Variants in ZSCAN31 observed in about 807,000 individuals in gnomAD.
ZSCAN31 encodes zinc finger and SCAN domain containing 31.
Under a neutral mutation model 22.5 loss-of-function variants are expected in ZSCAN31, and 14 were observed. The observed-to-expected ratio is 0.62, with a 90% CI of 0.41 to 0.97. The LOEUF is 0.97. Ranked by LOEUF, ZSCAN31 falls within the 50% of genes least tolerant of loss-of-function variation. The probability of loss-of-function intolerance (pLI) is 0.00; values close to 1 mark genes in which losing one functional copy is unlikely to be tolerated. For synonymous variants in ZSCAN31, 168 were observed against 169.8 expected, an observed-to-expected ratio of 0.99 and a Z score of 0.08; for missense variants, 424 against 483.4, an observed-to-expected ratio of 0.88 and a Z score of 1.15.
chr6:28,329,242 T>C (rs889938407), intron 2 of ZSCAN31, 61 bp downstream of exon 2: 1 of 1,521,148 alleles, frequency 6.6e-7, no homozygotes, highest in African/African-American at 1.4e-5. Flanking sequence ...CCAACCTGTG[T>C]CACCAAACCC....
At chr6:28,341,361 G>A (rs543969337) in intron 3 of ZSCAN31, among the ~76,000 whole-genome samples, 1 of 152,338 alleles carries the variant, frequency 6.6e-6, no homozygotes, top group South Asian at 2.1e-4. Context: ...TTGGCATAGA[G>A]TGAAAGCTTC....
In ZSCAN31 at chr6:28,326,807, T is replaced by C; in HGVS notation, c.580A>G (p.Ile194Val). 1 of 1,613,072 alleles carries C rather than the reference T, an allele frequency of 6.2e-7. No individual in the cohort carries two copies. Among genetic ancestry groups the C allele is most frequent in the South Asian group, 1.1e-5 (1 of 91,078 alleles). Residue 194 changes from isoleucine (I) to valine (V), a missense_variant, in exon 4 of 4, where the codon ATC (isoleucine) becomes GTC (valine). Physicochemically the swap from Ile to Val is conservative, Grantham distance 29. Coordinates refer to ENST00000344279, the MANE Select transcript of ZSCAN31 (RefSeq NM_030899.5). Reference protein sequence around the residue: ...ENQELASKQEILKEMEHLGDS... With the variant: ...ENQELASKQEVLKEMEHLGDS... ...CCCAAATGTTCCATTTCTTTTAAGATTTCTTGCTTTGATGCCAACTCCTGG... is the reference window on the plus strand; with the variant it reads ...CCCAAATGTTCCATTTCTTTTAAGACTTCTTGCTTTGATGCCAACTCCTGG...
intron 2 of ZSCAN31, among the ~76,000 whole-genome samples, chr6:28,328,272 A>T (rs1049339423): frequency 1.3e-5 from 2 of 152,198 alleles, no homozygotes; most frequent in East Asian, 3.8e-4. Context: ...AAAATTTATT[A>T]GGCGGGAATT....
In ZSCAN31 at chr6:28,348,665, G is replaced by A. The variant is rs182812171; in HGVS notation, c.-371+5197C>T. ...TTTTATAATAAATTATATAGGGCAA[G>A]TTTCTGCAGCTCCTTCATTTGTTTT... On this transcript the variant is annotated intron_variant, in intron 2 of 7. Coordinates refer to the ZSCAN31 transcript ENST00000396838. Among the ~76,000 whole-genome samples, 220 of 152,202 alleles carry A rather than the reference G, an allele frequency of 1.4e-3. 3 individuals are homozygous for A. The East Asian group carries it at 0.041, about 29-fold the overall frequency.
chr6:28,327,251 A>G (rs1209952753), intron 3 of ZSCAN31, 132 bp downstream of exon 3: 17 of 1,092,270 alleles, frequency 1.6e-5, no homozygotes, highest in Non-Finnish European at 2.1e-5. Context: ...TGACTTGTCC[A>G]TTGTCACAGA....
At chr6:28,345,785 G>A (rs1764617784) in intron 2 of ZSCAN31, among the ~76,000 whole-genome samples, 1 of 152,182 alleles carries the variant, frequency 6.6e-6, no homozygotes, top group Admixed American at 6.5e-5. Context: ...TTAGCCACCA[G>A]GAACATGCTG....
rs1763548606 is a variant in ZSCAN31 at position 28,329,208 on chromosome 6, A to G, written c.381+95T>C. 1.1e-5 allele frequency: 16 copies of G among 1,417,404 alleles called. No individual in the cohort carries two copies. The Admixed American group carries it at 3.6e-4, about 32-fold the overall frequency. The allele number at this position is 1,417,404 out of a possible 1,614,324, so 87.8% of individuals were successfully genotyped here. On this transcript the variant is annotated intron_variant, in intron 2 of 3. Transcript: ENST00000344279. ...GGGGTAATTTGTTACACAACAGAGA[A>G]CTAATACATATAGCTATAGCCAACC...
upstream of ZSCAN31, chr6:28,356,151 C>G (rs1329334972): frequency 6.6e-6 from 1 of 151,402 alleles, no homozygotes; most frequent in South Asian, 2.1e-4. Context: ...GTCCGGTGTC[C>G]CCCCAAGCCT....
upstream of ZSCAN31, among the ~76,000 whole-genome samples, chr6:28,355,849 C>T (rs1341128765): frequency 6.6e-6 from 1 of 152,216 alleles, no homozygotes; most frequent in African/African-American, 2.4e-5. Flanking sequence ...TTGGCCAAGT[C>T]CACCACACAG....
chr6:28,330,480 A>G (rs541084915), intron 1 of ZSCAN31, among the ~76,000 whole-genome samples: 108 of 152,388 alleles, frequency 7.1e-4, no homozygotes, highest in African/African-American at 2.5e-3. Flanking sequence ...GAATTACAAA[A>G]GCAAGAGATA....
chr6:28,353,972 G>C (rs1765241601), intron 1 of ZSCAN31: 1 of 454,742 alleles, frequency 2.2e-6, no homozygotes, highest in African/African-American at 2.0e-5. Context: ...GGTAAAATAT[G>C]ATTTTATTCA....
chr6:28,337,799 G>A (rs889224779), upstream of ZSCAN31: 6 of 152,144 alleles, frequency 3.9e-5, no homozygotes, highest in African/African-American at 1.4e-4. Flanking sequence ...AATAGCTCAC[G>A]CCTGTAATCC....
At chr6:28,350,258 T>G (rs1764901069) in intron 2 of ZSCAN31, 2 of 152,200 alleles carry the variant, frequency 1.3e-5, no homozygotes, top group South Asian at 4.1e-4. Context: ...CCAATATGGG[T>G]GTCCCTTGTT....
intron 2 of ZSCAN31, among the ~76,000 whole-genome samples, chr6:28,352,465 C>G (rs1561929012): frequency 6.6e-6 from 1 of 152,130 alleles, no homozygotes; most frequent in Non-Finnish European, 1.5e-5. Context: ...ATGGGCCAGG[C>G]TGTTCTTGAA....
intron 2 of ZSCAN31, among the ~76,000 whole-genome samples, chr6:28,345,457 C>T (rs1419117713): frequency 6.6e-6 from 1 of 152,122 alleles, no homozygotes; most frequent in African/African-American, 2.4e-5. Flanking sequence ...CAGCATGGTC[C>T]CTCCCCGCTC....
chr6:28,333,377 A>G lies in ZSCAN31; in HGVS notation c.-96+2705T>C, dbSNP rs1581679580. 6.6e-6 allele frequency among the ~76,000 whole-genome samples: 1 copy of G among 152,196 alleles called. No individual in the cohort carries two copies. Among genetic ancestry groups the G allele is most frequent in the Non-Finnish European group, 1.5e-5 (1 of 68,030 alleles). Reference sequence around the variant, plus strand: ...TACTTGGCTGGGCATTAGGGCTACAATGGTGAAAAAGACGGGACCAGGCCC... The same window carrying G: ...TACTTGGCTGGGCATTAGGGCTACAGTGGTGAAAAAGACGGGACCAGGCCC... On this transcript the variant is annotated intron_variant, in intron 1 of 3. Coordinates refer to ENST00000344279, the MANE Select transcript of ZSCAN31 (RefSeq NM_030899.5). The surrounding 1 kb of genome is among the most constrained non-coding windows in gnomAD (Gnocchi z 4.1).
Position 28,326,196 on chromosome 6 carries a change from A to G in ZSCAN31, c.1191T>C (p.His397=). ...GTCTCTCTCCAGTGTGGATTTTCTG[A>G]TGTTTCTTAAGAAGTGTCCGCTTAC... ...LFSKRTLLKK[H]QKIHTGERP Residue 397 remains histidine, a synonymous_variant, in exon 4 of 4, where the codon CAT becomes CAC. Transcript: ENST00000344279. The G allele has an allele frequency of 6.2e-7, 1 of 1,610,758 alleles. No individual in the cohort carries two copies. Among genetic ancestry groups the G allele is most frequent in the Non-Finnish European group, 8.5e-7 (1 of 1,177,600 alleles).
chr6:28,353,821 C>T, intron 2 of ZSCAN31: 1 of 456,910 alleles, frequency 2.2e-6, no homozygotes, highest in Non-Finnish European at 4.4e-6. Context: ...AAAGAAAGAC[C>T]AGTGAATTAT....
At position 28,325,585 on chromosome 6, in the gene ZSCAN31, T is replaced by C. The variant is rs1051895463; in HGVS notation, c.*581A>G. The C allele has an allele frequency of 4.0e-5, 6 of 151,202 alleles. No homozygotes were observed. Among genetic ancestry groups the C allele is most frequent in the African/African-American group, 1.5e-4 (6 of 40,582 alleles). 9.4% of individuals were successfully genotyped at this position (151,202 alleles called of 1,614,324 possible). ...ACAGGTTTCATACTATGGATAATGC[T>C]GCATAATTATAGAAGCTATCTATCA... On this transcript the variant is annotated 3_prime_UTR_variant, in exon 4 of 4. Transcript: ENST00000344279.
Sources: allele counts gnomAD v4.1 joint callset (sites outside exome capture counted in the v4.1 genomes callset), GRCh38; gene constraint gnomAD v4.1.1; non-coding constraint Gnocchi (gnomAD v3.1); transcripts MANE v1.5; gene names NCBI Gene and HGNC (gene_info 2026-07-23, HGNC 2026-07-21).